PTPN3: variants seen among roughly 807,000 people sequenced by gnomAD.
PTPN3 encodes tyrosine-protein phosphatase non-receptor type 3.
In PTPN3, 96 loss-of-function variants were observed where a neutral mutation model predicts 132.7. The ratio of observed to expected loss-of-function variants is 0.72; its 90% confidence interval spans 0.61 to 0.86. The LOEUF is 0.86. Ranked by LOEUF, PTPN3 falls within the 40% of genes least tolerant of loss-of-function variation. PTPN3 has a pLI of 0.00. For missense variants in PTPN3, 1,125 were observed against 1,159.6 expected, an observed-to-expected ratio of 0.97 and a Z score of 0.43; for synonymous variants, 398 against 429.0, an observed-to-expected ratio of 0.93 and a Z score of 0.89.
intron 5 of PTPN3, chr9:109,449,262 A>T: frequency 9.9e-7 from 1 of 1,008,712 alleles, no homozygotes; most frequent in Non-Finnish European, 1.2e-6. Context: ...ACTGTTCTGA[A>T]CACTGTGCCA....
chr9:109,402,975 G>A (rs527294965), intron 19 of PTPN3, among the ~76,000 whole-genome samples: 1 of 152,274 alleles, frequency 6.6e-6, no homozygotes, highest in South Asian at 2.1e-4. Flanking sequence ...CTACTCAGGA[G>A]GCTGAGGTGG....
At chr9:109,501,955 T>G (rs1304159507), upstream of PTPN3, among the ~76,000 whole-genome samples, 1 of 152,138 alleles carries the variant, frequency 6.6e-6, no homozygotes, top group East Asian at 1.9e-4. Flanking sequence ...AAAAATATAG[T>G]CACCTCTCTC....
intron 2 of PTPN3, among the ~76,000 whole-genome samples, chr9:109,462,950 T>C (rs1032707154): frequency 6.6e-6 from 1 of 150,978 alleles, no homozygotes; most frequent in Non-Finnish European, 1.5e-5. Flanking sequence ...TAATGAAGCA[T>C]ATATAGGGTG....
chr9:109,538,330 A>C, the PTPN3 span, among the ~76,000 whole-genome samples: 4 of 152,358 alleles, frequency 2.6e-5, no homozygotes, highest in East Asian at 5.8e-4. Flanking sequence ...CATAGCACTT[A>C]AAAAATGATT....
chr9:109,503,579 C>T, the PTPN3 span, among the ~76,000 whole-genome samples: 1 of 151,988 alleles, frequency 6.6e-6, no homozygotes, highest in Non-Finnish European at 1.5e-5. Flanking sequence ...TGTGGTGGCA[C>T]ATGCCTGTAA....
chr9:109,466,901 G>T (rs1206182702), intron 1 of PTPN3, among the ~76,000 whole-genome samples: 1 of 152,144 alleles, frequency 6.6e-6, no homozygotes, highest in East Asian at 1.9e-4. Flanking sequence ...AATGATGAAA[G>T]CTGTGCAGAA....
At chr9:109,444,640 G>A (rs748125573) in intron 7 of PTPN3, among the ~76,000 whole-genome samples, 20 of 151,986 alleles carry the variant, frequency 1.3e-4, no homozygotes, top group Admixed American at 8.5e-4. Flanking sequence ...CTCCTGTTTC[G>A]TTTTACCTTT....
intron 14 of PTPN3, among the ~76,000 whole-genome samples, chr9:109,415,121 TCCA>T (rs1428697127): frequency 2.0e-5 from 3 of 150,706 alleles, no homozygotes; most frequent in Non-Finnish European, 4.4e-5. Flanking sequence ...CATCCATCCA[TCCA>T]TCCAAATAGT....
chr9:109,483,348 C>A (rs1301394143), intron 1 of PTPN3, among the ~76,000 whole-genome samples: 1 of 152,212 alleles, frequency 6.6e-6, no homozygotes, highest in Admixed American at 6.5e-5. Context: ...CCCTTTTGAT[C>A]ACAGGCTTTA....
chr9:109,536,905 A>G, the PTPN3 span, among the ~76,000 whole-genome samples: 1 of 152,124 alleles, frequency 6.6e-6, no homozygotes, highest in African/African-American at 2.4e-5. Flanking sequence ...GTTTGCTTTA[A>G]GTTGTGGAAA....
At chr9:109,473,989 T>A (rs754674075) in intron 1 of PTPN3, among the ~76,000 whole-genome samples, 1 of 151,754 alleles carries the variant, frequency 6.6e-6, no homozygotes, top group African/African-American at 2.4e-5. Flanking sequence ...ATTCCACAGG[T>A]CTCAACTTTC....
chr9:109,408,796 A>AATATATATATATATATATATATAT (rs1219154297), intron 16 of PTPN3, among the ~76,000 whole-genome samples: 1 of 108,370 alleles, frequency 9.2e-6, no homozygotes, highest in African/African-American at 3.7e-5. Context: ...AAAAAAAAAA[A>AATATATATATATATATATATATAT]ATATATATAT....
At chr9:109,473,647 T>A (rs1000654161) in intron 1 of PTPN3, among the ~76,000 whole-genome samples, 1 of 152,182 alleles carries the variant, frequency 6.6e-6, no homozygotes, top group African/African-American at 2.4e-5. Flanking sequence ...GAGAAGCTAG[T>A]AACTAAAACA....
At chr9:109,492,336 G>C (rs1176674676) in intron 1 of PTPN3, among the ~76,000 whole-genome samples, 1 of 152,148 alleles carries the variant, frequency 6.6e-6, no homozygotes, top group Non-Finnish European at 1.5e-5. Context: ...ACAGCATTCA[G>C]GCAGCCATGG....
upstream of PTPN3, among the ~76,000 whole-genome samples, chr9:109,499,840 C>G (rs1031735084): frequency 4.6e-5 from 7 of 152,190 alleles, no homozygotes. Context: ...AGGGGCAGGA[C>G]CGCCCGCGCC....
chr9:109,437,764 G>C (rs1023914613), intron 8 of PTPN3, among the ~76,000 whole-genome samples: 1 of 152,266 alleles, frequency 6.6e-6, no homozygotes, highest in East Asian at 1.9e-4. Flanking sequence ...GGAACAGCTT[G>C]TTTTATTAAA....
chr9:109,401,268 TCTC>T (rs1841070668), intron 19 of PTPN3, among the ~76,000 whole-genome samples: 1 of 152,164 alleles, frequency 6.6e-6, no homozygotes, highest in Non-Finnish European at 1.5e-5. Flanking sequence ...CTTCACCTCC[TCTC>T]CTCTGGAACA....
At chr9:109,466,173 C>G (rs2132056917) in intron 1 of PTPN3, among the ~76,000 whole-genome samples, 1 of 152,180 alleles carries the variant, frequency 6.6e-6, no homozygotes. Flanking sequence ...AAACCTAGGT[C>G]TGGTAGAGTT....
At chr9:109,515,310 C>T in the PTPN3 span, among the ~76,000 whole-genome samples, 1 of 152,168 alleles carries the variant, frequency 6.6e-6, no homozygotes, top group Admixed American at 6.6e-5. Context: ...TAGATATGAG[C>T]CACCATGCCT....
Sources: gnomAD v4.1 joint callset for allele counts (sites outside exome capture counted in the v4.1 genomes callset) on GRCh38, gnomAD v4.1.1 for gene constraint, MANE v1.5 for transcripts, NCBI Gene and HGNC (gene_info 2026-07-23, HGNC 2026-07-21) for gene names.